The following CACNA2D1 variants were observed in gnomAD, a reference collection of about 807,000 sequenced individuals.
CACNA2D1 encodes voltage-dependent calcium channel subunit alpha-2/delta-1.
CACNA2D1 carries 53 observed loss-of-function variants against 171.5 expected under a neutral mutation model. The ratio of observed to expected loss-of-function variants is 0.31; its 90% CI spans 0.25 to 0.39. CACNA2D1 has a LOEUF of 0.39. Among genes scored for constraint, CACNA2D1 ranks in the 10% least tolerant of loss-of-function variants. The probability of loss-of-function intolerance (pLI) is 1.00; values close to 1 mark genes in which losing one functional copy is unlikely to be tolerated. For synonymous variants in CACNA2D1, 442 were observed against 443.1 expected, an observed-to-expected ratio of 1.00 and a Z score of 0.03; for missense variants, 903 against 1,299.8, an observed-to-expected ratio of 0.69 and a Z score of 4.69.
chr7:81,975,763 C>T (rs1200999270), intron 24 of CACNA2D1, among the ~76,000 whole-genome samples: 1 of 151,912 alleles, frequency 6.6e-6, no homozygotes, highest in South Asian at 2.1e-4. Context: ...AAAATTTACA[C>T]TCATTATTAT....
intron 12 of CACNA2D1, among the ~76,000 whole-genome samples, chr7:82,026,812 C>T (rs538255855): frequency 1.3e-5 from 2 of 151,762 alleles, no homozygotes; most frequent in African/African-American, 4.8e-5. Flanking sequence ...TATATAAGCA[C>T]TCTACACATA....
intron 3 of CACNA2D1, among the ~76,000 whole-genome samples, chr7:82,191,194 T>C (rs756780790): frequency 1.3e-5 from 2 of 151,790 alleles, no homozygotes; most frequent in Non-Finnish European, 3.0e-5. Flanking sequence ...TAATTTGCCT[T>C]AATCATTATT....
At chr7:81,955,294 C>T (rs1793099524) in intron 38 of CACNA2D1, among the ~76,000 whole-genome samples, 1 of 152,106 alleles carries the variant, frequency 6.6e-6, no homozygotes. Flanking sequence ...CCTAATCCAA[C>T]AGAAATTGCT....
intron 1 of CACNA2D1, among the ~76,000 whole-genome samples, chr7:82,417,270 C>T (rs1828275429): frequency 6.6e-6 from 1 of 152,134 alleles, no homozygotes; most frequent in Non-Finnish European, 1.5e-5. Context: ...AACAATTAGG[C>T]TAGACTACAG....
At chr7:82,148,610 C>T (rs1250930876) in intron 4 of CACNA2D1, among the ~76,000 whole-genome samples, 1 of 152,116 alleles carries the variant, frequency 6.6e-6, no homozygotes, top group Non-Finnish European at 1.5e-5. Context: ...TCCCCAGCTT[C>T]CCTGCTTCAT....
intron 3 of CACNA2D1, among the ~76,000 whole-genome samples, chr7:82,221,399 C>T (rs752535866): frequency 2.0e-5 from 3 of 152,158 alleles, no homozygotes; most frequent in Non-Finnish European, 1.5e-5. Flanking sequence ...ACTCCAAACA[C>T]ATTTTCTACA....
intron 1 of CACNA2D1, among the ~76,000 whole-genome samples, chr7:82,442,040 A>T (rs751930075): frequency 6.6e-6 from 1 of 152,232 alleles, no homozygotes; most frequent in Non-Finnish European, 1.5e-5. Context: ...AGGATCTGCA[A>T]TCAGTTTTAT....
At chr7:82,380,348 G>A (rs11770457) in intron 1 of CACNA2D1, among the ~76,000 whole-genome samples, 5,600 of 152,124 alleles carry the variant, frequency 0.037, 149 homozygotes, top group Middle Eastern at 0.075. Context: ...TTATACCAGA[G>A]TCTAGACATA....
chr7:82,022,303 AT>A (rs1363373163), intron 12 of CACNA2D1, among the ~76,000 whole-genome samples: 1 of 151,770 alleles, frequency 6.6e-6, no homozygotes, highest in Admixed American at 6.6e-5. Flanking sequence ...AGCTGGGCAT[AT>A]TACATTGTAG....
chr7:82,333,268 A>C (rs1475213518), intron 3 of CACNA2D1, among the ~76,000 whole-genome samples: 1 of 152,190 alleles, frequency 6.6e-6, no homozygotes, highest in Non-Finnish European at 1.5e-5. Flanking sequence ...TTTAGATAAA[A>C]GGTAAAAGTT....
chr7:82,068,469 G>A (rs1187891567), intron 7 of CACNA2D1, among the ~76,000 whole-genome samples: 1 of 152,068 alleles, frequency 6.6e-6, no homozygotes, highest in Non-Finnish European at 1.5e-5. Context: ...AACCCTAGAG[G>A]CAGTTGTTAT....
At position 82,150,257 on chromosome 7, in the gene CACNA2D1, T is replaced by TAAAAAAA. The variant is rs565121488; in HGVS notation, c.355-13588_355-13582dup. Among the ~76,000 whole-genome samples, 116 of 92,824 alleles carry TAAAAAAA rather than the reference T, an allele frequency of 1.2e-3. 7 individuals are homozygous for TAAAAAAA. The highest frequency in any genetic ancestry group is 1.9e-3 in the African/African-American group (51 of 27,214). 60.9% of individuals were successfully genotyped at this position (92,824 alleles called of 152,430 possible). A position where few individuals can be genotyped will look rare whatever the true frequency, so the allele number is the denominator to read the frequency against. ...CTAACTGCTTTGCTTTAGATCAAAT[T>TAAAAAAA]AAAAAAAAAAAACAAAAACAACAAC... On this transcript the variant is annotated intron_variant, in intron 4 of 38. Coordinates refer to ENST00000356860, the MANE Select transcript of CACNA2D1 (RefSeq NM_000722.4).
intron 3 of CACNA2D1, among the ~76,000 whole-genome samples, chr7:82,311,692 T>A (rs913358357): frequency 6.6e-6 from 1 of 152,226 alleles, no homozygotes; most frequent in South Asian, 2.1e-4. Context: ...GTTATTTGTG[T>A]AAGTTCAATA....
At position 82,137,707 on chromosome 7, in the gene CACNA2D1, T is replaced by TAAAA. The variant is rs1174278503; in HGVS notation, c.355-1035_355-1032dup. 4.4e-3 allele frequency among the ~76,000 whole-genome samples: 343 copies of TAAAA among 78,810 alleles called. 31 individuals carry two copies. The highest frequency in any genetic ancestry group is 0.016 in the African/African-American group (306 of 18,746). 51.7% of individuals were successfully genotyped at this position (78,810 alleles called of 152,430 possible). A position where few individuals can be genotyped will look rare whatever the true frequency, so the allele number is the denominator to read the frequency against. On this transcript the variant is annotated intron_variant, in intron 4 of 38. Transcript: ENST00000356860. ...TAATACAGTGAAACTCCGTCTCTAC[T>TAAAA]AAAAAAAAAAAAAAAAAAAAAAATT...
At chr7:82,162,289 G>C (rs553559706) in intron 4 of CACNA2D1, among the ~76,000 whole-genome samples, 149 of 151,828 alleles carry the variant, frequency 9.8e-4, no homozygotes, top group Middle Eastern at 3.4e-3. Context: ...AGGGGTAATA[G>C]ACTTTTTTTT....
chr7:82,105,835 A>G (rs1238109112), intron 6 of CACNA2D1, among the ~76,000 whole-genome samples: 4 of 152,182 alleles, frequency 2.6e-5, no homozygotes, highest in Admixed American at 2.6e-4. Flanking sequence ...TGACGCCTAC[A>G]TGAACATCCA....
chr7:82,162,424 A>T (rs1308067130), intron 4 of CACNA2D1, among the ~76,000 whole-genome samples: 1 of 151,958 alleles, frequency 6.6e-6, no homozygotes, highest in Non-Finnish European at 1.5e-5. Context: ...GCTGGTTTGG[A>T]AGGTTGTAAG....
intron 3 of CACNA2D1, among the ~76,000 whole-genome samples, chr7:82,290,992 T>C (rs1811467405): frequency 1.4e-5 from 2 of 145,318 alleles, no homozygotes; most frequent in South Asian, 4.2e-4. Flanking sequence ...TTTTTTTCCT[T>C]TGAGACAGGG....
intron 25 of CACNA2D1, among the ~76,000 whole-genome samples, chr7:81,974,111 G>A (rs1263294370): frequency 1.3e-5 from 2 of 151,568 alleles, no homozygotes; most frequent in South Asian, 4.2e-4. Context: ...AAAAATGTAC[G>A]TTTTCCTCTA....
Sources: allele counts gnomAD v4.1 joint callset (sites outside exome capture counted in the v4.1 genomes callset), GRCh38; gene constraint gnomAD v4.1.1; transcripts MANE v1.5; gene names NCBI Gene and HGNC (gene_info 2026-07-23, HGNC 2026-07-21).